Variants in SHISA9 observed in about 807,000 individuals in gnomAD.
The protein encoded by SHISA9 is shisa family member 9.
Under a neutral mutation model 38.0 loss-of-function variants are expected in SHISA9, and 13 were observed. That is an observed-to-expected ratio of 0.34 (90% CI 0.22 to 0.54). The LOEUF is 0.54. Ranked by LOEUF, SHISA9 falls within the 20% of genes least tolerant of loss-of-function variation. The probability of loss-of-function intolerance (pLI) is 0.91; values close to 1 mark genes in which losing one functional copy is unlikely to be tolerated. For synonymous variants in SHISA9, 275 were observed against 242.0 expected, an observed-to-expected ratio of 1.14 and a Z score of -1.27; for missense variants, 538 against 575.8, an observed-to-expected ratio of 0.93 and a Z score of 0.67.
chr16:12,939,159 C>T lies in SHISA9; in HGVS notation c.691+22344C>T, dbSNP rs150934981. Among the ~76,000 whole-genome samples the T allele has an allele frequency of 9.1e-3, 1,390 of 152,202 alleles. 19 individuals are homozygous for T. Among genetic ancestry groups the T allele is most frequent in the African/African-American group, 0.032 (1,321 of 41,518 alleles). On this transcript the variant is annotated intron_variant, in intron 2 of 4. Coordinates refer to ENST00000558583, the MANE Select transcript of SHISA9 (RefSeq NM_001145204.3). The stretch of plus-strand genomic sequence containing the variant: ...AGTGCAGTGGCACAATCTTGGCTCA[C>T]TGCAGCTTCTGTCTTCCAAGTTCAA...
At chr16:13,149,716 G>C (rs2050480358) in intron 2 of SHISA9, among the ~76,000 whole-genome samples, 1 of 151,920 alleles carries the variant, frequency 6.6e-6, no homozygotes, top group Non-Finnish European at 1.5e-5. Context: ...CTTGAGGTCA[G>C]GAGTTCAAGA....
the SHISA9 span, among the ~76,000 whole-genome samples, chr16:13,462,887 G>A: frequency 5.3e-4 from 81 of 152,198 alleles, 1 homozygote; most frequent in African/African-American, 1.6e-3. Flanking sequence ...ACTTGAACCC[G>A]GGAGGCAGAG....
intron 4 of SHISA9, among the ~76,000 whole-genome samples, chr16:13,233,219 A>T (rs2051349169): frequency 6.6e-6 from 1 of 152,138 alleles, no homozygotes; most frequent in South Asian, 2.1e-4. Flanking sequence ...TGGGCAAGAT[A>T]AGAAAAAATC....
chr16:13,216,330 A>G (rs990323876), intron 4 of SHISA9, among the ~76,000 whole-genome samples: 1 of 152,162 alleles, frequency 6.6e-6, no homozygotes, highest in Admixed American at 6.5e-5. Context: ...GATCTGCAAA[A>G]TGGAGACCAT....
At chr16:13,121,940 T>C (rs938080940) in intron 2 of SHISA9, among the ~76,000 whole-genome samples, 1 of 151,680 alleles carries the variant, frequency 6.6e-6, no homozygotes, top group Non-Finnish European at 1.5e-5. Context: ...CTGAGTTTCC[T>C]CTTCGATAAA....
At chr16:13,483,601 C>G in the SHISA9 span, among the ~76,000 whole-genome samples, 66 of 151,796 alleles carry the variant, frequency 4.3e-4, no homozygotes, top group African/African-American at 1.6e-3. Flanking sequence ...CAGAAGCTCG[C>G]TGACTTTCCC....
At chr16:13,004,232 C>A (rs770060688) in intron 2 of SHISA9, among the ~76,000 whole-genome samples, 1 of 152,176 alleles carries the variant, frequency 6.6e-6, no homozygotes, top group Non-Finnish European at 1.5e-5. Flanking sequence ...TAGTGACCAA[C>A]TTGTCCATTT....
chr16:12,979,587 AG>A (rs2141821604), intron 2 of SHISA9, among the ~76,000 whole-genome samples: 1 of 152,216 alleles, frequency 6.6e-6, no homozygotes, highest in East Asian at 1.9e-4. Flanking sequence ...CTTCTCGTAT[AG>A]TCTTGAACGT....
intron 2 of SHISA9, among the ~76,000 whole-genome samples, chr16:13,143,108 G>A (rs2050416646): frequency 6.6e-6 from 1 of 151,846 alleles, no homozygotes; most frequent in African/African-American, 2.4e-5. Flanking sequence ...CCGGATTCAA[G>A]CAATTCTCCT....
the SHISA9 span, among the ~76,000 whole-genome samples, chr16:13,387,612 C>A: frequency 3.4e-3 from 517 of 152,136 alleles, 21 homozygotes; most frequent in East Asian, 0.083. Context: ...GTCTCAGACT[C>A]CCAAGTAGCT....
At chr16:13,166,732 C>T (rs11648487) in intron 2 of SHISA9, among the ~76,000 whole-genome samples, 3 of 151,920 alleles carry the variant, frequency 2.0e-5, no homozygotes, top group South Asian at 4.1e-4. Flanking sequence ...TCATGGGATG[C>T]GATAGTGGGA....
chr16:13,509,857 A>G, the SHISA9 span, among the ~76,000 whole-genome samples: 8 of 152,118 alleles, frequency 5.3e-5, no homozygotes, highest in East Asian at 1.5e-3. Context: ...CTGGTTCTCT[A>G]TTGATTACCC....
chr16:13,292,340 A>G, the SHISA9 span, among the ~76,000 whole-genome samples: 1 of 152,054 alleles, frequency 6.6e-6, no homozygotes, highest in Non-Finnish European at 1.5e-5. Context: ...GGAGTTGGAT[A>G]TTCCTGTCCA....
chr16:13,483,457 A>G, the SHISA9 span, among the ~76,000 whole-genome samples: 1 of 152,314 alleles, frequency 6.6e-6, no homozygotes, highest in African/African-American at 2.4e-5. Context: ...CGGGTCACAA[A>G]TGAGCTTCAT....
chr16:13,114,666 C>T lies in SHISA9; in HGVS notation c.692-88728C>T, dbSNP rs953453374. 2.0e-5 allele frequency among the ~76,000 whole-genome samples: 3 copies of T among 151,920 alleles called. No individual in the cohort carries two copies. In the South Asian group the frequency reaches 6.2e-4, roughly 32 times the overall value. ...CTCTTCTCTATTGCCTTCAACACCC[C>T]ACCCTCTCCCGACCAGGCAATTATA... is the stretch of plus-strand genomic sequence containing the variant. On this transcript the variant is annotated intron_variant, in intron 2 of 4. Transcript: ENST00000558583.
At chr16:13,179,634 G>T (rs1249838698) in intron 2 of SHISA9, among the ~76,000 whole-genome samples, 1 of 152,202 alleles carries the variant, frequency 6.6e-6, no homozygotes, top group Non-Finnish European at 1.5e-5. Flanking sequence ...TGGCTCCAAT[G>T]ATGGTCCCCT....
At chr16:13,046,736 T>C (rs1360829168) in intron 2 of SHISA9, among the ~76,000 whole-genome samples, 1 of 152,160 alleles carries the variant, frequency 6.6e-6, no homozygotes, top group Non-Finnish European at 1.5e-5. Context: ...TCCTCTCCAA[T>C]CCAGCCATTA....
intron 2 of SHISA9, among the ~76,000 whole-genome samples, chr16:13,002,458 A>G (rs1279308451): frequency 6.6e-6 from 1 of 151,908 alleles, no homozygotes; most frequent in Non-Finnish European, 1.5e-5. Flanking sequence ...TATTTATTTA[A>G]TTAATAAAAC....
Position 12,933,986 on chromosome 16 carries a change from A to T in SHISA9, c.691+17171A>T, listed in dbSNP as rs543307163. Reference sequence around the variant, plus strand: ...CACTGAGAAAGTGATCATTAAGATGAGACCCAAGGATGGGAAGAACCAATC... The same window carrying T: ...CACTGAGAAAGTGATCATTAAGATGTGACCCAAGGATGGGAAGAACCAATC... On this transcript the variant is annotated intron_variant, in intron 2 of 4. Coordinates refer to ENST00000558583, the MANE Select transcript of SHISA9 (RefSeq NM_001145204.3). 6.9e-4 allele frequency among the ~76,000 whole-genome samples: 105 copies of T among 152,296 alleles called. 3 individuals carry two copies. The South Asian group carries it at 0.022, about 31-fold the overall frequency.
Sources: gnomAD v4.1 joint callset for allele counts (sites outside exome capture counted in the v4.1 genomes callset) on GRCh38, gnomAD v4.1.1 for gene constraint, MANE v1.5 for transcripts, NCBI Gene and HGNC (gene_info 2026-07-23, HGNC 2026-07-21) for gene names.